The following SORCS2 variants were observed in gnomAD, a reference collection of about 807,000 sequenced individuals.
SORCS2 encodes the protein sortilin related VPS10 domain containing receptor 2.
A neutral mutation model predicts 141.6 loss-of-function variants in SORCS2; 100 were observed. That is an observed-to-expected ratio of 0.71 (90% confidence interval 0.60 to 0.83). The LOEUF is 0.83. SORCS2 is among the 40% of genes least tolerant of loss of function. The pLI is 0.00. For missense variants in SORCS2, 1,646 were observed against 1,560.2 expected (o/e 1.05, Z -0.93); for synonymous variants, 789 against 676.9 (o/e 1.17, Z -2.57).
chr4:7,602,935 T>C (rs1024396259), intron 3 of SORCS2, among the ~76,000 whole-genome samples: 1 of 152,164 alleles, frequency 6.6e-6, no homozygotes, highest in African/African-American at 2.4e-5. Context: ...AGCTGGCAGA[T>C]CACTCGCGGT....
At chr4:7,495,396 C>T (rs1731551835) in intron 2 of SORCS2, among the ~76,000 whole-genome samples, 1 of 152,226 alleles carries the variant, frequency 6.6e-6, no homozygotes, top group South Asian at 2.1e-4. Flanking sequence ...GGGTGCAAAT[C>T]TCTGCCTCCC....
intron 1 of SORCS2, among the ~76,000 whole-genome samples, chr4:7,283,347 G>A (rs1284301006): frequency 9.2e-5 from 14 of 152,222 alleles, no homozygotes; most frequent in Admixed American, 9.2e-4. Flanking sequence ...TTCTTTCCTG[G>A]GCTGCTTTGC....
Position 7,200,053 on chromosome 4 carries a change from C to T in SORCS2, c.480+6927C>T, listed in dbSNP as rs191004388. Among the ~76,000 whole-genome samples, 38 of 152,214 alleles carry T rather than the reference C, an allele frequency of 2.5e-4. No homozygotes were observed. In the East Asian group the frequency reaches 6.8e-3, roughly 27 times the overall value. Reference sequence around the variant, plus strand: ...GAGGCTGGATTGTCTTCGGTTGCCCCGCGTGCAGGGCAGCAGCGTGGATGG... The same window carrying T: ...GAGGCTGGATTGTCTTCGGTTGCCCTGCGTGCAGGGCAGCAGCGTGGATGG... On this transcript the variant is annotated intron_variant, in intron 1 of 26. Transcript: ENST00000507866.
intron 5 of SORCS2, among the ~76,000 whole-genome samples, chr4:7,656,490 C>G (rs894850555): frequency 2.6e-5 from 4 of 152,194 alleles, no homozygotes; most frequent in Non-Finnish European, 5.9e-5. Flanking sequence ...AACTGAGGCT[C>G]GGGCACGCAT....
chr4:7,208,041 T>C (rs1727846163), intron 1 of SORCS2, among the ~76,000 whole-genome samples: 1 of 152,050 alleles, frequency 6.6e-6, no homozygotes, highest in South Asian at 2.1e-4. Context: ...CCTCCCCCAG[T>C]GTCCCTTGGC....
chr4:7,424,039 C>G (rs1726263324), intron 2 of SORCS2, among the ~76,000 whole-genome samples: 1 of 152,180 alleles, frequency 6.6e-6, no homozygotes, highest in Non-Finnish European at 1.5e-5. Context: ...CTGTGCACAG[C>G]TGGGAGGATG....
At chr4:7,367,243 A>C (rs2109035318) in intron 1 of SORCS2, among the ~76,000 whole-genome samples, 1 of 152,332 alleles carries the variant, frequency 6.6e-6, no homozygotes, top group South Asian at 2.1e-4. Flanking sequence ...AGGTGAGGTC[A>C]CACTACTTCA....
intron 1 of SORCS2, among the ~76,000 whole-genome samples, chr4:7,332,455 G>C (rs1039487119): frequency 7.2e-5 from 11 of 152,248 alleles, no homozygotes; most frequent in Non-Finnish European, 1.2e-4. Flanking sequence ...CTTCTGTCCA[G>C]GGGAGGATGG....
chr4:7,251,521 A>G (rs572875727), intron 1 of SORCS2, among the ~76,000 whole-genome samples: 7 of 152,318 alleles, frequency 4.6e-5, no homozygotes, highest in Non-Finnish European at 8.8e-5. Flanking sequence ...GCAACATGAT[A>G]GCAAGCAAGT....
rs71175419 is a variant in SORCS2, at chr4:7,639,528, T to TGG, written c.813+1042_813+1043dup. On this transcript the variant is annotated intron_variant, in intron 4 of 26. Coordinates refer to ENST00000507866, the MANE Select transcript of SORCS2 (RefSeq NM_020777.3). ...TGTGAATGTGTGGGTTTGTGGGATG[T>TGG]GGGGGGGTGTTAGTGTGAATGTGTG... is the stretch of plus-strand genomic sequence containing the variant. Among the ~76,000 whole-genome samples, 113 of 136,870 alleles carry TGG rather than the reference T, an allele frequency of 8.3e-4. No individual in the cohort carries two copies. In the East Asian group the frequency reaches 0.01, roughly 12 times the overall value. 89.8% of individuals were successfully genotyped at this position (136,870 alleles called of 152,430 possible).
chr4:7,683,451 G>T (rs1243856776), intron 10 of SORCS2, among the ~76,000 whole-genome samples: 1 of 152,060 alleles, frequency 6.6e-6, no homozygotes, highest in African/African-American at 2.4e-5. Context: ...TCATGTCAGG[G>T]AATGGACTGA....
chr4:7,245,599 G>T (rs1330570566), intron 1 of SORCS2, among the ~76,000 whole-genome samples: 2 of 152,230 alleles, frequency 1.3e-5, no homozygotes, highest in Non-Finnish European at 2.9e-5. Flanking sequence ...CCAGTGCAAG[G>T]TCGTGGTGAA....
At chr4:7,602,465 C>T (rs1717772901) in intron 3 of SORCS2, among the ~76,000 whole-genome samples, 1 of 151,662 alleles carries the variant, frequency 6.6e-6, no homozygotes, top group South Asian at 2.1e-4. Context: ...AGGCGCTCCT[C>T]ACATCCCAGA....
Position 7,386,426 on chromosome 4 carries a change from CACAT to C in SORCS2, c.481-9858_481-9855del, listed in dbSNP as rs1408912756. On this transcript the variant is annotated intron_variant, in intron 1 of 26. Transcript: ENST00000507866. ...ATATGTACACACGCACACATGCACA[CACAT>C]ACAGGTACACAGAGATACACATGTG... Among the ~76,000 whole-genome samples the C allele has an allele frequency of 8.0e-5, 9 of 112,856 alleles. 3 individuals carry two copies. Among genetic ancestry groups the C allele is most frequent in the Non-Finnish European group, 1.3e-4 (7 of 55,122 alleles). The allele number at this position is 112,856 out of a possible 152,430, so 74.0% of individuals were successfully genotyped here. A position where few individuals can be genotyped will look rare whatever the true frequency, so the allele number is the denominator to read the frequency against.
chr4:7,484,385 C>T (rs1442859209), intron 2 of SORCS2, among the ~76,000 whole-genome samples: 1 of 152,168 alleles, frequency 6.6e-6, no homozygotes, highest in Non-Finnish European at 1.5e-5. Flanking sequence ...GTTTATCTTC[C>T]TCCTATTTTA....
chr4:7,627,816 G>C (rs79205183), intron 3 of SORCS2, among the ~76,000 whole-genome samples: 1 of 152,246 alleles, frequency 6.6e-6, no homozygotes, highest in East Asian at 1.9e-4. Flanking sequence ...ACCAGTGTTG[G>C]TTAGAAACCA....
rs142901345 is a variant in SORCS2, at chr4:7,394,601, G to A, written c.481-1687G>A. On this transcript the variant is annotated intron_variant, in intron 1 of 26. Coordinates refer to ENST00000507866, the MANE Select transcript of SORCS2 (RefSeq NM_020777.3). ...ATGCTGGGGTTTAGAATGAGGGGGT[G>A]GACTGGTGGGGACTCTCCCCTCGAG... Among the ~76,000 whole-genome samples the A allele has an allele frequency of 1.3e-3, 193 of 152,062 alleles. No homozygotes were observed. The East Asian group carries it at 0.019, about 15-fold the overall frequency.
intron 8 of SORCS2, among the ~76,000 whole-genome samples, chr4:7,671,652 A>G (rs1044850626): frequency 6.6e-6 from 1 of 152,208 alleles, no homozygotes; most frequent in Non-Finnish European, 1.5e-5. Flanking sequence ...AATTAAAACA[A>G]TATCAAGCTG....
intron 1 of SORCS2, among the ~76,000 whole-genome samples, chr4:7,267,966 G>C (rs1714859997): frequency 1.3e-5 from 2 of 152,260 alleles, no homozygotes; most frequent in African/African-American, 4.8e-5. Context: ...GCTCAGGGAA[G>C]TCTGCACACC....
Sources: allele counts gnomAD v4.1 joint callset (sites outside exome capture counted in the v4.1 genomes callset), GRCh38; gene constraint gnomAD v4.1.1; transcripts MANE v1.5; gene names NCBI Gene and HGNC (gene_info 2026-07-23, HGNC 2026-07-21).